Variants in BBX observed in about 807,000 individuals in gnomAD.
The protein encoded by BBX is BBX high mobility group box domain containing.
BBX carries 30 observed loss-of-function variants against 100.2 expected under a neutral mutation model. That is an observed-to-expected ratio of 0.30 (90% CI 0.22 to 0.41). BBX has a LOEUF of 0.41. BBX is among the 10% of genes least tolerant of loss of function. The pLI is 1.00. For missense variants in BBX, 1,023 were observed against 1,129.8 expected (o/e 0.91, Z 1.35); for synonymous variants, 376 against 388.1 (o/e 0.97, Z 0.37).
rs779597821 is a variant in BBX, at chr3:107,728,987, T to C, written c.601+27T>C. On this transcript the variant is annotated intron_variant, in intron 6 of 17. Coordinates refer to ENST00000325805, the MANE Select transcript of BBX (RefSeq NM_001142568.3). ...TGAGTTGAGACACTATTTCCACCTA[T>C]TCTTTAAGGACAGGGCAATACATTT... is the stretch of plus-strand genomic sequence containing the variant. 1.9e-6 allele frequency: 3 copies of C among 1,605,108 alleles called. No homozygotes were observed. In the South Asian group the frequency reaches 3.3e-5, roughly 18 times the overall value.
intron 2 of BBX, among the ~76,000 whole-genome samples, chr3:107,640,749 T>C (rs1486865654): frequency 6.6e-6 from 1 of 151,928 alleles, no homozygotes; most frequent in African/African-American, 2.4e-5. Flanking sequence ...GCAACCTCCG[T>C]CTCCCGGGTT....
chr3:107,680,489 G>T (rs1301568643), intron 3 of BBX, among the ~76,000 whole-genome samples: 2 of 152,076 alleles, frequency 1.3e-5, no homozygotes, highest in Non-Finnish European at 2.9e-5. Flanking sequence ...AGGTGACAGA[G>T]CCAAATTTAT....
intron 7 of BBX, among the ~76,000 whole-genome samples, chr3:107,742,266 C>G (rs2064170885): frequency 6.6e-6 from 1 of 151,226 alleles, no homozygotes. Flanking sequence ...CTCCTTCTGT[C>G]TTATCCTGCT....
rs185873280 is a variant in BBX, at chr3:107,550,188, T to C, written c.-84+23790T>C. ...AGAGAGGAAGAAGTACAGAAACAACTTTCCTATGAGACCTTAATGAGATAA... is the reference window on the plus strand; with the variant it reads ...AGAGAGGAAGAAGTACAGAAACAACCTTCCTATGAGACCTTAATGAGATAA... On this transcript the variant is annotated intron_variant, in intron 2 of 17. Transcript: ENST00000325805. Among the ~76,000 whole-genome samples the C allele has an allele frequency of 3.9e-5, 6 of 152,204 alleles. No individual in the cohort carries two copies. The East Asian group carries it at 1.2e-3, about 29-fold the overall frequency.
At chr3:107,536,808 T>A (rs2048525002) in intron 2 of BBX, among the ~76,000 whole-genome samples, 1 of 152,148 alleles carries the variant, frequency 6.6e-6, no homozygotes, top group African/African-American at 2.4e-5. Context: ...GAACAACCCT[T>A]GTCCTCAAAG....
intron 2 of BBX, among the ~76,000 whole-genome samples, chr3:107,599,942 C>T (rs1375097759): frequency 3.9e-5 from 6 of 151,926 alleles, no homozygotes; most frequent in African/African-American, 1.5e-4. Flanking sequence ...CTCCAAGTAG[C>T]CTAGAAGCTT....
At chr3:107,637,585 G>C (rs1559902670) in intron 2 of BBX, among the ~76,000 whole-genome samples, 1 of 152,204 alleles carries the variant, frequency 6.6e-6, no homozygotes, top group Non-Finnish European at 1.5e-5. Context: ...GGGTTGAACT[G>C]AGTGGCTTCA....
chr3:107,565,135 G>A (rs1393103149), intron 2 of BBX, among the ~76,000 whole-genome samples: 1 of 152,114 alleles, frequency 6.6e-6, no homozygotes, highest in Admixed American at 6.5e-5. Flanking sequence ...CTGGTGTATG[G>A]AAACTATTTG....
intron 2 of BBX, among the ~76,000 whole-genome samples, chr3:107,609,765 CT>C (rs898709658): frequency 6.6e-6 from 1 of 151,798 alleles, no homozygotes; most frequent in African/African-American, 2.4e-5. Context: ...TGATTATTCT[CT>C]TTTTTTCTTA....
chr3:107,757,941 A>G (rs2065614738), intron 10 of BBX, among the ~76,000 whole-genome samples: 2 of 152,190 alleles, frequency 1.3e-5, no homozygotes, highest in Admixed American at 6.5e-5. Flanking sequence ...GGCCACACCC[A>G]TCTCGGGATT....
intron 2 of BBX, among the ~76,000 whole-genome samples, chr3:107,644,048 A>G (rs1193641703): frequency 6.6e-6 from 1 of 152,178 alleles, no homozygotes; most frequent in Non-Finnish European, 1.5e-5. Flanking sequence ...TACTTTATCT[A>G]TAGATAGTTG....
intron 12 of BBX, among the ~76,000 whole-genome samples, chr3:107,777,982 A>C (rs1178677560): frequency 6.6e-6 from 1 of 152,150 alleles, no homozygotes; most frequent in Non-Finnish European, 1.5e-5. Flanking sequence ...ATCATATGGT[A>C]ATTTAATAAG....
chr3:107,636,611 A>G (rs1441181656), intron 2 of BBX, among the ~76,000 whole-genome samples: 8 of 152,184 alleles, frequency 5.3e-5, no homozygotes, highest in African/African-American at 1.9e-4. Context: ...TTTGCCTTGT[A>G]GTACTTATAA....
At chr3:107,770,000 G>T (rs2066767778) in intron 10 of BBX, among the ~76,000 whole-genome samples, 1 of 152,068 alleles carries the variant, frequency 6.6e-6, no homozygotes, top group African/African-American at 2.4e-5. Flanking sequence ...TATAATTTAG[G>T]ATTAACATAA....
At chr3:107,613,643 CAG>C (rs753432835) in intron 2 of BBX, among the ~76,000 whole-genome samples, 44 of 151,930 alleles carry the variant, frequency 2.9e-4, no homozygotes, top group Admixed American at 5.2e-4. Flanking sequence ...GATAGGATAT[CAG>C]GGGAAAAAAC....
At chr3:107,725,932 C>T (rs1391634624) in intron 5 of BBX, among the ~76,000 whole-genome samples, 1 of 152,016 alleles carries the variant, frequency 6.6e-6, no homozygotes, top group Non-Finnish European at 1.5e-5. Flanking sequence ...AGAGAGTCTT[C>T]CATTGAAATC....
At chr3:107,536,481 C>T (rs958386090) in intron 2 of BBX, among the ~76,000 whole-genome samples, 1 of 151,994 alleles carries the variant, frequency 6.6e-6, no homozygotes, top group Non-Finnish European at 1.5e-5. Context: ...GCTCTTCTTG[C>T]CTTGTTTTAG....
chr3:107,590,353 A>T (rs1432961263), intron 2 of BBX, among the ~76,000 whole-genome samples: 1 of 152,178 alleles, frequency 6.6e-6, no homozygotes, highest in African/African-American at 2.4e-5. Context: ...CGTAGTTGGG[A>T]TATCACCTCA....
chr3:107,655,953 G>T (rs534597937), intron 3 of BBX, among the ~76,000 whole-genome samples: 2 of 152,074 alleles, frequency 1.3e-5, no homozygotes, highest in South Asian at 4.2e-4. Context: ...GCCCATCTTG[G>T]CCTTCCAAAG....
Sources: allele counts gnomAD v4.1 joint callset (sites outside exome capture counted in the v4.1 genomes callset), GRCh38; gene constraint gnomAD v4.1.1; transcripts MANE v1.5; gene names NCBI Gene and HGNC (gene_info 2026-07-23, HGNC 2026-07-21).